The following ATP2A2 variants were observed in gnomAD, a reference collection of about 807,000 sequenced individuals.
The protein encoded by ATP2A2 is sarcoplasmic/endoplasmic reticulum calcium ATPase 2.
Under a neutral mutation model 109.3 loss-of-function variants are expected in ATP2A2, and 14 were observed. The ratio of observed to expected loss-of-function variants is 0.13; its 90% CI spans 0.08 to 0.20. ATP2A2 has a LOEUF of 0.20. ATP2A2 is among the 10% of genes least tolerant of loss of function. ATP2A2 has a pLI of 1.00. For missense variants in ATP2A2, 657 were observed against 1,321.6 expected (o/e 0.50, Z 7.80); for synonymous variants, 506 against 490.9 (o/e 1.03, Z -0.41).
chr12:110,286,657 C>G (rs1872692339), intron 3 of ATP2A2, among the ~76,000 whole-genome samples: 1 of 150,256 alleles, frequency 6.7e-6, no homozygotes, highest in African/African-American at 2.4e-5. Flanking sequence ...TGGTAATTCT[C>G]TGTATCATTC....
In ATP2A2 at chr12:110,327,194, A is replaced by C. The variant is rs946799267; in HGVS notation, c.631-359A>C. On this transcript the variant is annotated intron_variant, in intron 7 of 19. Transcript: ENST00000539276. The surrounding 1 kb of genome is among the most constrained non-coding windows in gnomAD (Gnocchi z 4.4). ...TGGGGCTAGTTGCCGTTTCTATTACAGTGAGAAAAGTAGGGGCCTTGAGTT... is the reference window on the plus strand; with the variant it reads ...TGGGGCTAGTTGCCGTTTCTATTACCGTGAGAAAAGTAGGGGCCTTGAGTT... Among the ~76,000 whole-genome samples the C allele has an allele frequency of 1.3e-5, 2 of 152,204 alleles. No individual in the cohort carries two copies. The highest frequency in any genetic ancestry group is 2.9e-5 in the Non-Finnish European group (2 of 68,038).
chr12:110,305,922 T>C (rs1875261848), intron 5 of ATP2A2, among the ~76,000 whole-genome samples: 1 of 152,078 alleles, frequency 6.6e-6, no homozygotes, highest in Admixed American at 6.6e-5. Flanking sequence ...TCAACACTGG[T>C]TGTCAGTGTT....
chr12:110,294,143 AC>A (rs1350017296), intron 4 of ATP2A2, among the ~76,000 whole-genome samples: 2 of 151,808 alleles, frequency 1.3e-5, no homozygotes, highest in African/African-American at 4.8e-5. Context: ...TCCCGGGCTC[AC>A]GCCATTCTCC....
intron 11 of ATP2A2, chr12:110,334,396 G>A (rs1417592598): frequency 3.9e-6 from 2 of 508,310 alleles, no homozygotes; most frequent in Non-Finnish European, 7.1e-6. Context: ...CTCCCATAGT[G>A]CTGTGAACAG....
intron 5 of ATP2A2, among the ~76,000 whole-genome samples, chr12:110,312,009 T>C (rs1175456963): frequency 6.6e-6 from 1 of 151,906 alleles, no homozygotes; most frequent in Admixed American, 6.6e-5. Context: ...ACCCCGTCTC[T>C]AAAAAAATAA....
At position 110,348,170 on chromosome 12, in the gene ATP2A2, T is replaced by TATTA; in HGVS notation, c.*1702_*1705dup. On this transcript the variant is annotated 3_prime_UTR_variant, in exon 20 of 20. Coordinates refer to ENST00000539276, the MANE Select transcript of ATP2A2 (RefSeq NM_170665.4). ...TCATCCCAGAACATTGCTACTTATTTATTAAAAAGCTAAAAACTAGTGAAA... is the reference window on the plus strand; with the variant it reads ...TCATCCCAGAACATTGCTACTTATTTATTAATTAAAAAGCTAAAAACTAGTGAAA... 3.0e-6 allele frequency: 3 copies of TATTA among 985,448 alleles called. No homozygotes were observed. The highest frequency in any genetic ancestry group is 3.6e-6 in the Non-Finnish European group (3 of 829,958). The allele number at this position is 985,448 out of a possible 1,614,324, so 61.0% of individuals were successfully genotyped here. A position where few individuals can be genotyped will look rare whatever the true frequency, so the allele number is the denominator to read the frequency against.
intron 5 of ATP2A2, among the ~76,000 whole-genome samples, chr12:110,297,035 CAGTT>C (rs746963095): frequency 1.9e-4 from 29 of 152,216 alleles, no homozygotes; most frequent in Admixed American, 1.0e-3. Flanking sequence ...GTTGATTTGA[CAGTT>C]AGTTATAGTG....
chr12:110,290,560 A>G (rs192272621), intron 3 of ATP2A2, among the ~76,000 whole-genome samples: 316 of 152,332 alleles, frequency 2.1e-3, no homozygotes, highest in African/African-American at 7.3e-3. Flanking sequence ...TTTTATTTGG[A>G]TTCTAAAATG....
intron 5 of ATP2A2, among the ~76,000 whole-genome samples, chr12:110,320,644 G>A (rs1018834414): frequency 2.0e-5 from 3 of 152,310 alleles, no homozygotes; most frequent in Non-Finnish European, 2.9e-5. Flanking sequence ...AGTTAGAGCA[G>A]AATTATATTA....
chr12:110,300,113 C>A (rs1312791007), intron 5 of ATP2A2, among the ~76,000 whole-genome samples: 2 of 142,390 alleles, frequency 1.4e-5, no homozygotes, highest in African/African-American at 2.7e-5. Flanking sequence ...CTTCCTCCCC[C>A]TTTCCCTCCC....
chr12:110,324,439 T>C (rs1214689582), intron 6 of ATP2A2, among the ~76,000 whole-genome samples: 1 of 152,142 alleles, frequency 6.6e-6, no homozygotes, highest in Non-Finnish European at 1.5e-5. Flanking sequence ...TTTTTTTTTT[T>C]GAGGCGGAGT....
At chr12:110,280,734 G>C (rs1347223303), upstream of ATP2A2, 1 of 152,264 alleles carries the variant, frequency 6.6e-6, no homozygotes, top group African/African-American at 2.4e-5. Flanking sequence ...AGTGAACTGC[G>C]GAATTCCTCC....
At position 110,343,383 on chromosome 12, in the gene ATP2A2, A is replaced by C. The variant is rs1221928553; in HGVS notation, c.2470A>C (p.Lys824Gln). Residue 824 changes from lysine (K) to glutamine (Q), a missense_variant, in exon 16 of 20, where the codon AAG becomes CAG. Lys to Gln is a moderately conservative substitution (Grantham distance 53). Around this residue, in one of 9 missense-constraint regions of ATP2A2, gnomAD observed 125 missense variants for 243.5 expected, o/e 0.51. Coordinates refer to ENST00000539276, the MANE Select transcript of ATP2A2 (RefSeq NM_170665.4). ...DIMNKPPRNPKEPLISGWLFF... is the reference protein window; with the variant it reads ...DIMNKPPRNPQEPLISGWLFF... ...CATGAATAAACCTCCCCGGAACCCA[A>C]AGGAACCATTGATCAGCGGGTGGCT... 1 of 1,614,222 alleles carries C rather than the reference A, an allele frequency of 6.2e-7. No individual in the cohort carries two copies. Among genetic ancestry groups the C allele is most frequent in the Admixed American group, 1.7e-5 (1 of 60,022 alleles).
intron 3 of ATP2A2, among the ~76,000 whole-genome samples, chr12:110,283,118 C>T (rs1324163875): frequency 1.3e-5 from 2 of 152,124 alleles, no homozygotes; most frequent in Non-Finnish European, 2.9e-5. Flanking sequence ...TTGGGTTCTT[C>T]CATTGTTATC....
intron 5 of ATP2A2, among the ~76,000 whole-genome samples, chr12:110,319,544 T>G (rs890233425): frequency 8.6e-5 from 13 of 150,342 alleles, no homozygotes; most frequent in African/African-American, 3.2e-4. Flanking sequence ...TATATTTTAG[T>G]AGACCTTTAT....
chr12:110,321,040 A>C (rs573848369), intron 5 of ATP2A2, among the ~76,000 whole-genome samples: 1 of 152,338 alleles, frequency 6.6e-6, no homozygotes, highest in African/African-American at 2.4e-5. Flanking sequence ...CAGTCTGGCT[A>C]ACATAGTGAA....
chr12:110,319,717 C>A (rs964995662), intron 5 of ATP2A2, among the ~76,000 whole-genome samples: 4 of 150,852 alleles, frequency 2.7e-5, no homozygotes, highest in African/African-American at 9.7e-5. Context: ...ACCTATAGTC[C>A]TGTACTACCT....
chr12:110,337,079 C>T (rs1050895085), intron 11 of ATP2A2, among the ~76,000 whole-genome samples: 6 of 152,176 alleles, frequency 3.9e-5, no homozygotes, highest in Non-Finnish European at 8.8e-5. Context: ...CACACAAGTA[C>T]GGGCAATACT....
chr12:110,330,520 A>G (rs1335619726), intron 8 of ATP2A2: 5 of 152,212 alleles, frequency 3.3e-5, no homozygotes, highest in Non-Finnish European at 7.3e-5. Context: ...TTTGTGTCTC[A>G]CTTAGCCTGA....
Sources: allele counts gnomAD v4.1 joint callset (sites outside exome capture counted in the v4.1 genomes callset), GRCh38; gene constraint gnomAD v4.1.1; regional missense constraint gnomAD v4.1.1; non-coding constraint Gnocchi (gnomAD v3.1); transcripts MANE v1.5; gene names NCBI Gene and HGNC (gene_info 2026-07-23, HGNC 2026-07-21).